GALNT10: variants seen among roughly 807,000 people sequenced by gnomAD.
The protein encoded by GALNT10 is polypeptide N-acetylgalactosaminyltransferase 10.
In GALNT10, 41 loss-of-function variants were observed where a neutral mutation model predicts 75.0. The ratio of observed to expected loss-of-function variants is 0.55; its 90% CI spans 0.43 to 0.71. The LOEUF (loss-of-function observed/expected upper bound fraction) is 0.71. Among genes scored for constraint, GALNT10 ranks in the 30% least tolerant of loss-of-function variants. The pLI is 0.00. For synonymous variants in GALNT10, 302 were observed against 313.0 expected, an observed-to-expected ratio of 0.96 and a Z score of 0.37; for missense variants, 727 against 818.5, an observed-to-expected ratio of 0.89 and a Z score of 1.36.
intron 3 of GALNT10, among the ~76,000 whole-genome samples, chr5:154,327,430 A>G (rs1754771531): frequency 6.6e-6 from 1 of 152,152 alleles, no homozygotes; most frequent in Admixed American, 6.5e-5. Flanking sequence ...ATATTTTCGT[A>G]TCTTTTATCG....
intron 1 of GALNT10, among the ~76,000 whole-genome samples, chr5:154,274,535 A>G (rs1462966440): frequency 6.6e-6 from 1 of 152,178 alleles, no homozygotes; most frequent in Non-Finnish European, 1.5e-5. Context: ...TAGGAGCTCA[A>G]TAAATGTGGG....
chr5:154,242,832 G>C (rs1002414656), intron 1 of GALNT10, among the ~76,000 whole-genome samples: 1 of 152,200 alleles, frequency 6.6e-6, no homozygotes, highest in Non-Finnish European at 1.5e-5. Flanking sequence ...TCTCCTTGGA[G>C]CACAATAGCC....
intron 1 of GALNT10, among the ~76,000 whole-genome samples, chr5:154,215,478 C>T (rs916798884): frequency 2.0e-5 from 3 of 151,900 alleles, no homozygotes; most frequent in Non-Finnish European, 4.4e-5. Context: ...AGCAAGACTC[C>T]GTCTCAAAAA....
rs576995821 is a variant in GALNT10 at position 154,220,023 on chromosome 5, C to T, written c.159+28998C>T. On this transcript the variant is annotated intron_variant, in intron 1 of 11. Coordinates refer to ENST00000297107, the MANE Select transcript of GALNT10 (RefSeq NM_198321.4). ...TTTGTCCTAAACAGATCTGATCTGG[C>T]GAATCTTCACATATTGTTTATTTCC... 3.9e-5 allele frequency: 6 copies of T among 152,226 alleles called. No individual in the cohort carries two copies. In the South Asian group the frequency reaches 6.2e-4, roughly 16 times the overall value. The allele number at this position is 152,226 out of a possible 1,614,324, so 9.4% of individuals were successfully genotyped here. A position where few individuals can be genotyped will look rare whatever the true frequency, so the allele number is the denominator to read the frequency against.
chr5:154,262,443 G>C (rs985843590), intron 1 of GALNT10, among the ~76,000 whole-genome samples: 1 of 152,132 alleles, frequency 6.6e-6, no homozygotes, highest in Non-Finnish European at 1.5e-5. Context: ...TTATTCTCCA[G>C]TGCTACACCC....
intron 3 of GALNT10, among the ~76,000 whole-genome samples, chr5:154,303,628 T>C (rs557610080): frequency 6.6e-6 from 1 of 151,838 alleles, no homozygotes; most frequent in Non-Finnish European, 1.5e-5. Context: ...CTTAGAAGAG[T>C]TTTGCCTTAG....
chr5:154,287,913 TGAGA>T (rs10617417), intron 1 of GALNT10, among the ~76,000 whole-genome samples: 21 of 148,182 alleles, frequency 1.4e-4, no homozygotes, highest in South Asian at 6.5e-4. Flanking sequence ...TGTGTGTGTG[TGAGA>T]GAGAGAGAGA....
intron 3 of GALNT10, among the ~76,000 whole-genome samples, chr5:154,300,371 G>A (rs182129690): frequency 6.6e-6 from 1 of 152,100 alleles, no homozygotes; most frequent in Non-Finnish European, 1.5e-5. Flanking sequence ...TGGTACTGTG[G>A]GTTCTCAACC....
chr5:154,200,714 T>C (rs2113641764), intron 1 of GALNT10, among the ~76,000 whole-genome samples: 1 of 152,352 alleles, frequency 6.6e-6, no homozygotes, highest in South Asian at 2.1e-4. Context: ...TAAACTTTAA[T>C]GGCTATTTCA....
At chr5:154,322,476 C>G (rs1754690312) in intron 3 of GALNT10, among the ~76,000 whole-genome samples, 1 of 152,162 alleles carries the variant, frequency 6.6e-6, no homozygotes, top group South Asian at 2.1e-4. Context: ...CCTGGCTCCT[C>G]AAACCCATCT....
chr5:154,270,279 C>T (rs1753842477), intron 1 of GALNT10, among the ~76,000 whole-genome samples: 1 of 147,658 alleles, frequency 6.8e-6, no homozygotes, highest in Non-Finnish European at 1.5e-5. Flanking sequence ...AGGCATTCCT[C>T]ATGCATACTA....
Position 154,190,981 on chromosome 5 carries a change from AC to A in GALNT10, c.119del (p.Pro40LeufsTer32). The A allele has an allele frequency of 6.7e-7, 1 of 1,500,646 alleles. No individual in the cohort carries two copies. 93.0% of individuals were successfully genotyped at this position (1,500,646 alleles called of 1,614,324 possible). ...GTACCGCGAGCGGCAGCCCGACGGCACCCCTGGGGGATCGGGGGCGGCGGTG... is the reference window on the plus strand; with the variant it reads ...GTACCGCGAGCGGCAGCCCGACGGCACCCTGGGGGATCGGGGGCGGCGGTG... The part of the protein sequence containing the change: ...ALYRERQPDG[T>X]PGGSGAAVAP... On this transcript the variant is annotated frameshift_variant, in exon 1 of 12. Coordinates refer to ENST00000297107, the MANE Select transcript of GALNT10 (RefSeq NM_198321.4). LOFTEE classifies it high-confidence loss of function.
chr5:154,342,972 A>T (rs1561666480), intron 4 of GALNT10, among the ~76,000 whole-genome samples: 1 of 152,140 alleles, frequency 6.6e-6, no homozygotes, highest in Non-Finnish European at 1.5e-5. Context: ...CTTTTTCAGG[A>T]TTTTTTCAGT....
chr5:154,328,603 A>G (rs928819695), intron 3 of GALNT10, among the ~76,000 whole-genome samples: 1 of 152,198 alleles, frequency 6.6e-6, no homozygotes, highest in Non-Finnish European at 1.5e-5. Context: ...CAATTCTGAC[A>G]CTACCTACCT....
chr5:154,218,026 C>T lies in GALNT10; in HGVS notation c.159+27001C>T, dbSNP rs1752910349. ...GGTTTCTTCCTTCTATTTCTCCTGC[C>T]AGCTCGCTTCCCCACCCCAGCCTGG... On this transcript the variant is annotated intron_variant, in intron 1 of 11. Transcript: ENST00000297107. 4 of 985,098 alleles carry T rather than the reference C, an allele frequency of 4.1e-6. No homozygotes were observed. The African/African-American group carries it at 7.0e-5, about 17-fold the overall frequency. 61.0% of individuals were successfully genotyped at this position (985,098 alleles called of 1,614,324 possible).
At chr5:154,222,199 T>C (rs535695656) in intron 1 of GALNT10, among the ~76,000 whole-genome samples, 23 of 151,640 alleles carry the variant, frequency 1.5e-4, no homozygotes, top group Middle Eastern at 3.4e-3. Flanking sequence ...GAAATTTGTA[T>C]TGAAGGAATA....
At chr5:154,381,886 C>T (rs1387445829) in intron 6 of GALNT10, among the ~76,000 whole-genome samples, 2 of 152,216 alleles carry the variant, frequency 1.3e-5, no homozygotes, top group Non-Finnish European at 2.9e-5. Flanking sequence ...CCTGTGATTA[C>T]ATTAATGATA....
chr5:154,317,939 C>G (rs1179666229), intron 3 of GALNT10, among the ~76,000 whole-genome samples: 1 of 152,188 alleles, frequency 6.6e-6, no homozygotes, highest in Non-Finnish European at 1.5e-5. Context: ...ACATGGTTGC[C>G]CCAGGCAGAC....
chr5:154,403,747 T>G (rs1402577920), intron 7 of GALNT10: 2 of 317,180 alleles, frequency 6.3e-6, no homozygotes, highest in Non-Finnish European at 1.2e-5. Context: ...GTTTAAATTT[T>G]GGCTCCACCA....
Sources: allele counts gnomAD v4.1 joint callset (sites outside exome capture counted in the v4.1 genomes callset), GRCh38; gene constraint gnomAD v4.1.1; transcripts MANE v1.5; gene names NCBI Gene and HGNC (gene_info 2026-07-23, HGNC 2026-07-21).